The following PROP1 variants were observed in gnomAD, a reference collection of about 807,000 sequenced individuals.
PROP1 encodes PROP paired-like homeobox 1.
PROP1 carries 12 observed loss-of-function variants against 22.3 expected under a neutral mutation model. The observed-to-expected ratio is 0.54, with a 90% CI of 0.34 to 0.87. The LOEUF (loss-of-function observed/expected upper bound fraction) is 0.87, where lower values mean the gene tolerates loss of function less well. PROP1 is among the 40% of genes least tolerant of loss of function. The pLI is 0.01. For synonymous variants in PROP1, 112 were observed against 116.7 expected (o/e 0.96, Z 0.26); for missense variants, 278 against 295.1 (o/e 0.94, Z 0.43).
rs1755703166 is a variant in PROP1, at chr5:177,994,324, G to A, written c.124C>T (p.Pro42Ser). ...PTTTVDSSAP[P>S]CRRLPGAGGG... ...CCTGCACCAGGGAGCCTTCTGCAGG[G>A]TGGAGCACTCGAGTCTGAGAACGGA... is the stretch of plus-strand genomic sequence containing the variant. The change falls in exon 2 of 3, where the codon CCC becomes TCC. Residue 42 changes from proline to serine, a missense_variant. Pro to Ser is a moderately conservative substitution (Grantham distance 74). Coordinates refer to ENST00000308304, the MANE Select transcript of PROP1 (RefSeq NM_006261.5). 2 of 1,602,738 alleles carry A rather than the reference G, an allele frequency of 1.2e-6. No homozygotes were observed. Among genetic ancestry groups the A allele is most frequent in the Non-Finnish European group, 1.7e-6 (2 of 1,174,038 alleles).
chr5:177,993,570 T>TC (rs1366608655), intron 2 of PROP1, among the ~76,000 whole-genome samples: 1 of 151,378 alleles, frequency 6.6e-6, no homozygotes, highest in Non-Finnish European at 1.5e-5. Flanking sequence ...TCACTATTTT[T>TC]TTTTTTTTGA....
At position 177,993,169 on chromosome 5, in the gene PROP1, G is replaced by T. The variant is rs909035244; in HGVS notation, c.343-122C>A. The T allele has an allele frequency of 2.1e-5, 18 of 865,564 alleles. No homozygotes were observed. In the African/African-American group the frequency reaches 2.8e-4, roughly 14 times the overall value. 53.6% of individuals were successfully genotyped at this position (865,564 alleles called of 1,614,324 possible). A position where few individuals can be genotyped will look rare whatever the true frequency, so the allele number is the denominator to read the frequency against. ...CTCCAGCATGGCCAGAGGGAGTAAA[G>T]CTCTTCCACAAGGCTTGGCTGAGCC... On this transcript the variant is annotated intron_variant, in intron 2 of 2. Transcript: ENST00000308304.
intron 1 of PROP1, among the ~76,000 whole-genome samples, chr5:177,994,877 C>G (rs1386676258): frequency 6.6e-6 from 1 of 152,124 alleles, no homozygotes; most frequent in Non-Finnish European, 1.5e-5. Context: ...ATTCCTGGCC[C>G]TGGCACTCAT....
At chr5:177,993,842 C>T (rs1477693121) in intron 2 of PROP1, among the ~76,000 whole-genome samples, 1 of 152,084 alleles carries the variant, frequency 6.6e-6, no homozygotes, top group Non-Finnish European at 1.5e-5. Context: ...GCTGGGATTA[C>T]AGGTGTGAGC....
In PROP1 at chr5:177,992,772, C is replaced by T. The variant is rs765098843; in HGVS notation, c.618G>A (p.Leu206=). 22 of 1,581,732 alleles carry T rather than the reference C, an allele frequency of 1.4e-5. No homozygotes were observed. Among genetic ancestry groups the T allele is most frequent in the Non-Finnish European group, 1.9e-5 (22 of 1,165,438 alleles). Residue 206 remains leucine, a synonymous_variant, in exon 3 of 3, where the codon CTG becomes CTA. Coordinates refer to ENST00000308304, the MANE Select transcript of PROP1 (RefSeq NM_006261.5). ...PTLHPAPAGH[L]PCPPPPPMLP... is the part of the protein sequence containing the mutation. ...GCATGGGAGGGGGTGGGGGGCAGGG[C>T]AGATGGCCGGCAGGGGCTGGGTGCA...
Position 177,992,354 on chromosome 5 carries a change from C to A in PROP1, c.*355G>T. 1 of 283,460 alleles carries A rather than the reference C, an allele frequency of 3.5e-6. No individual in the cohort carries two copies. The highest frequency in any genetic ancestry group is 6.6e-6 in the Non-Finnish European group (1 of 150,928). The allele number at this position is 283,460 out of a possible 1,614,324, so 17.6% of individuals were successfully genotyped here. On this transcript the variant is annotated 3_prime_UTR_variant, in exon 3 of 3. Coordinates refer to ENST00000308304, the MANE Select transcript of PROP1 (RefSeq NM_006261.5). The stretch of plus-strand genomic sequence containing the variant: ...AAGTCAGAAGCCTTACTGAAATCAG[C>A]CAGAAAGAGCTGGGATCTTCTTCAA...
Position 177,995,619 on chromosome 5 carries a change from C to T in PROP1, c.109+206G>A, listed in dbSNP as rs563766839. Reference sequence around the variant, plus strand: ...CCCACTGCAATGTGAGCTGTTCAGCCGCCCCCTCCTGCCAAGGGCTCAGTT... The same window carrying T: ...CCCACTGCAATGTGAGCTGTTCAGCTGCCCCCTCCTGCCAAGGGCTCAGTT... On this transcript the variant is annotated intron_variant, in intron 1 of 2. Transcript: ENST00000308304. Among the ~76,000 whole-genome samples the T allele has an allele frequency of 4.6e-5, 7 of 152,310 alleles. No homozygotes were observed. In the East Asian group the frequency reaches 9.6e-4, roughly 21 times the overall value.
In PROP1 at chr5:177,994,241, C is replaced by CCGGGAGTG; in HGVS notation, c.199_206dup (p.Arg70ThrfsTer98). The CCGGGAGTG allele has an allele frequency of 6.2e-7, 1 of 1,614,016 alleles. No homozygotes were observed. Among genetic ancestry groups the CCGGGAGTG allele is most frequent in the Non-Finnish European group, 8.5e-7 (1 of 1,179,944 alleles). On this transcript the variant is annotated frameshift_variant, in exon 2 of 3. Transcript: ENST00000308304. LOFTEE classifies it high-confidence loss of function. ...GGCTGAAGGTGGTGCGGTGGCGGCG[C>CCGGGAGTG]CGGGAGTGCGGGCGGCCCCTCTGTC... is the stretch of plus-strand genomic sequence containing the variant.
In PROP1 at chr5:177,992,995, A is replaced by C. The variant is rs1772693277; in HGVS notation, c.395T>G (p.Leu132Arg). The change falls in exon 3 of 3, where the codon CTT (leucine) becomes CGT (arginine). Residue 132 changes from leucine (L) to arginine (R), a missense_variant. Physicochemically the swap from Leu to Arg is moderately radical, Grantham distance 102. Coordinates refer to ENST00000308304, the MANE Select transcript of PROP1 (RefSeq NM_006261.5). ...AGGAGACAGATGGGCCAGAGGCTGA[A>C]GCAGTGAGCGCTCTTGCTTCCGTTG... The part of the protein sequence containing the change: ...AKQRKQERSL[L>R]QPLAHLSPAA... 2 of 1,614,062 alleles carry C rather than the reference A, an allele frequency of 1.2e-6. No homozygotes were observed. Among genetic ancestry groups the C allele is most frequent in the East Asian group, 4.5e-5 (2 of 44,872 alleles).
rs1408640264 is a variant in PROP1 at position 177,993,022 on chromosome 5, T to C, written c.368A>G (p.Lys123Arg). 5 of 1,613,788 alleles carry C rather than the reference T, an allele frequency of 3.1e-6. No homozygotes were observed. Among genetic ancestry groups the C allele is most frequent in the Non-Finnish European group, 4.2e-6 (5 of 1,179,908 alleles). The change falls in exon 3 of 3, where the codon AAG (lysine) becomes AGG (arginine). Residue 123 changes from lysine to arginine, a missense_variant. By Grantham distance (26) the Lys-to-Arg change is conservative (BLOSUM62 2). Coordinates refer to ENST00000308304, the MANE Select transcript of PROP1 (RefSeq NM_006261.5). ...CAGTGAGCGCTCTTGCTTCCGTTGC[T>C]TAGCTCTGCGGTTCTGGAACCAGAC... ...IQVWFQNRRA[K>R]QRKQERSLLQ...
rs1421188134 is a variant in PROP1 at position 177,995,964 on chromosome 5, T to C, written c.-31A>G. On this transcript the variant is annotated 5_prime_UTR_variant, in exon 1 of 3. Transcript: ENST00000308304. ...GCCACGGGGACCAAGTGTCCCTGAA[T>C]CTCTGACTTGAGATTTCTCTGCTTC... 7.6e-6 allele frequency: 12 copies of C among 1,589,006 alleles called. No homozygotes were observed. The highest frequency in any genetic ancestry group is 1.3e-5 in the African/African-American group (1 of 74,528).
rs772133448 is a variant in PROP1 at position 177,994,150 on chromosome 5, C to T, written c.298G>A (p.Glu100Lys). 1 of 1,614,182 alleles carries T rather than the reference C, an allele frequency of 6.2e-7. No individual in the cohort carries two copies. The highest frequency in any genetic ancestry group is 1.1e-5 in the South Asian group (1 of 91,084). Reference sequence around the variant, plus strand: ...AGGCCAGTGTCCCGGGCAAGACTCTCTCGGGCCCAGATGTCGGGGTACTGG... The same window carrying T: ...AGGCCAGTGTCCCGGGCAAGACTCTTTCGGGCCCAGATGTCGGGGTACTGG... ...RNQYPDIWAR[E>K]SLARDTGLSE... The change falls in exon 2 of 3, where the codon GAG (glutamate) becomes AAG (lysine). Residue 100 changes from glutamate to lysine, a missense_variant. Coordinates refer to ENST00000308304, the MANE Select transcript of PROP1 (RefSeq NM_006261.5).
chr5:177,995,820 C>G lies in PROP1; in HGVS notation c.109+5G>C. 6.2e-7 allele frequency: 1 copy of G among 1,612,198 alleles called. No homozygotes were observed. Among genetic ancestry groups the G allele is most frequent in the Admixed American group, 1.7e-5 (1 of 60,034 alleles). On this transcript the variant is annotated splice_donor_5th_base_variant and intron_variant, in intron 1 of 2. Coordinates refer to ENST00000308304, the MANE Select transcript of PROP1 (RefSeq NM_006261.5). ...GGACCCACGCACACCGGGACGGTCA[C>G]TCACCCACCGTGGTGGTCGGGGTCC...
Position 177,995,960 on chromosome 5 carries a change from T to C in PROP1, c.-27A>G, listed in dbSNP as rs1410109543. ...GCTCGCCACGGGGACCAAGTGTCCCTGAATCTCTGACTTGAGATTTCTCTG... is the reference window on the plus strand; with the variant it reads ...GCTCGCCACGGGGACCAAGTGTCCCCGAATCTCTGACTTGAGATTTCTCTG... On this transcript the variant is annotated 5_prime_UTR_variant, in exon 1 of 3. Coordinates refer to ENST00000308304, the MANE Select transcript of PROP1 (RefSeq NM_006261.5). 11 of 1,589,348 alleles carry C rather than the reference T, an allele frequency of 6.9e-6. No homozygotes were observed. Among genetic ancestry groups the C allele is most frequent in the Non-Finnish European group, 9.5e-6 (11 of 1,159,400 alleles).
rs971627040 is a variant in PROP1 at position 177,996,106 on chromosome 5, T to C, written c.-173A>G. ...GCAGCTGTCTCTGACTTTTTCACTG[T>C]CTTTACTTTTTTTCTAATTGTTTCC... On this transcript the variant is annotated 5_prime_UTR_variant, in exon 1 of 3. Coordinates refer to ENST00000308304, the MANE Select transcript of PROP1 (RefSeq NM_006261.5). 1.4e-5 allele frequency: 9 copies of C among 647,186 alleles called. No homozygotes were observed. Among genetic ancestry groups the C allele is most frequent in the Non-Finnish European group, 2.5e-5 (9 of 363,478 alleles). 40.1% of individuals were successfully genotyped at this position (647,186 alleles called of 1,614,324 possible). A position where few individuals can be genotyped will look rare whatever the true frequency, so the allele number is the denominator to read the frequency against.
chr5:177,994,009 T>C, intron 2 of PROP1, 97 bp downstream of exon 2: 1 of 1,314,598 alleles, frequency 7.6e-7, no homozygotes, highest in Non-Finnish European at 1.1e-6. Context: ...CTGTGTCTGG[T>C]GACCATTTAG....
rs2233784 is a variant in PROP1 at position 177,994,274 on chromosome 5, C to T, written c.174G>A (p.Pro58=). The change falls in exon 2 of 3, where the codon CCG becomes CCA. Residue 58 remains proline, a synonymous_variant. Transcript: ENST00000308304. ...GCGGGCGGCCCCTCTGTCCTCCTTG[C>T]GGGGAGAACCTTGATCTCCCCCCTC... is the stretch of plus-strand genomic sequence containing the variant. ...GAGGGRSRFS[P]QGGQRGRPHS... The T allele has an allele frequency of 4.1e-3, 6,548 of 1,613,438 alleles. 264 individuals carry two copies. In the African/African-American group the frequency reaches 0.079, roughly 19 times the overall value.
intron 2 of PROP1, 38 bp downstream of exon 2, chr5:177,994,068 C>T: frequency 6.3e-7 from 1 of 1,593,928 alleles, no homozygotes; most frequent in South Asian, 1.1e-5. Flanking sequence ...AAGAAATCTG[C>T]ATTTCTTTCC....
chr5:177,995,898 T>C lies in PROP1; in HGVS notation c.36A>G (p.Pro12=), dbSNP rs749937144. 1.2e-6 allele frequency: 2 copies of C among 1,614,086 alleles called. No homozygotes were observed. Among genetic ancestry groups the C allele is most frequent in the South Asian group, 1.1e-5 (1 of 91,082 alleles). ...GGTTGCTGCCGACTCGCCCCTTCTT[T>C]GGCTTCTCAGCCTGGCGCCTCCTTT... The part of the protein sequence containing the change: ...EAERRRQAEK[P]KKGRVGSNLL... The change falls in exon 1 of 3, where the codon CCA becomes CCG. Residue 12 remains proline (P), a synonymous_variant. Coordinates refer to ENST00000308304, the MANE Select transcript of PROP1 (RefSeq NM_006261.5).
Sources: allele counts gnomAD v4.1 joint callset (sites outside exome capture counted in the v4.1 genomes callset), GRCh38; gene constraint gnomAD v4.1.1; transcripts MANE v1.5; gene names NCBI Gene and HGNC (gene_info 2026-07-23, HGNC 2026-07-21).